ZNF787: variants seen among roughly 807,000 people sequenced by gnomAD.
The protein encoded by ZNF787 is TTF-I-interacting peptide 20.
In ZNF787, 7 loss-of-function variants were observed where a neutral mutation model predicts 16.9. The ratio of observed to expected loss-of-function variants is 0.42; its 90% CI spans 0.24 to 0.78. The LOEUF (loss-of-function observed/expected upper bound fraction) is 0.78. Ranked by LOEUF, ZNF787 falls within the 30% of genes least tolerant of loss-of-function variation. The pLI is 0.30. For synonymous variants in ZNF787, 345 were observed against 270.9 expected (o/e 1.27, Z -2.69); for missense variants, 551 against 589.3 (o/e 0.94, Z 0.67).
At position 56,088,544 on chromosome 19, in the gene ZNF787, C is replaced by T; in HGVS notation, c.628G>A (p.Ala210Thr). 1.4e-6 allele frequency: 2 copies of T among 1,459,074 alleles called. No individual in the cohort carries two copies. The highest frequency in any genetic ancestry group is 1.8e-6 in the Non-Finnish European group (2 of 1,115,072). 90.4% of individuals were successfully genotyped at this position (1,459,074 alleles called of 1,614,324 possible). Residue 210 changes from alanine (A) to threonine (T), a missense_variant, in exon 3 of 3, where the codon GCC becomes ACC. Physicochemically the swap from Ala to Thr is moderately conservative, Grantham distance 58. This residue lies in a region of ZNF787 where 392 missense variants were observed against 312.7 expected (regional missense o/e 1.25). Coordinates refer to ENST00000610935, the MANE Select transcript of ZNF787 (RefSeq NM_001002836.4). The surrounding 1 kb of genome is among the most constrained non-coding windows in gnomAD (Gnocchi z 8.6). Reference sequence around the variant, plus strand: ...CGGACGCTAGCCGCCAGCACCTTGGCCGCCACGCCAGGCCCCGACAGCTCC... The same window carrying T: ...CGGACGCTAGCCGCCAGCACCTTGGTCGCCACGCCAGGCCCCGACAGCTCC... ...HPELSGPGVA[A>T]KVLAASVRRA...
chr19:56,102,789 G>C (rs962793462), intron 2 of ZNF787: 1 of 636,270 alleles, frequency 1.6e-6, no homozygotes, highest in African/African-American at 1.8e-5. Flanking sequence ...TCATAGCAGA[G>C]GGTCCAGGAT....
At position 56,091,970 on chromosome 19, in the gene ZNF787, CCAAAGCCGAAGG is replaced by C. The variant is rs1238358633; in HGVS notation, c.80-2890_80-2879del. Among the ~76,000 whole-genome samples, 430 of 152,120 alleles carry C rather than the reference CCAAAGCCGAAGG, an allele frequency of 2.8e-3. 1 individual carries two copies. Among genetic ancestry groups the C allele is most frequent in the Middle Eastern group, 0.014 (4 of 294 alleles). ...GCCAAAGCCGAAACCGAAACCGAAG[CCAAAGCCGAAGG>C]CGAAACCGAAGCCAAACGGAAGCCA... On this transcript the variant is annotated intron_variant, in intron 2 of 2. Transcript: ENST00000610935.
intron 2 of ZNF787, among the ~76,000 whole-genome samples, chr19:56,099,312 G>A (rs911578703): frequency 6.6e-6 from 1 of 152,204 alleles, no homozygotes; most frequent in African/African-American, 2.4e-5. Context: ...GTGCCCCAGG[G>A]AGTGATCTCC....
At chr19:56,106,269 G>A (rs73934673) in intron 1 of ZNF787, among the ~76,000 whole-genome samples, 1,706 of 152,304 alleles carry the variant, frequency 0.011, 42 homozygotes, top group African/African-American at 0.039. Context: ...CCAGCGTGTC[G>A]CTCCTCTCTC....
chr19:56,115,849 T>C (rs1599960204), intron 1 of ZNF787, among the ~76,000 whole-genome samples: 1 of 152,224 alleles, frequency 6.6e-6, no homozygotes, highest in Admixed American at 6.5e-5. Context: ...ACTTGGTGCC[T>C]GCAGATCTTC....
At chr19:56,106,824 C>T (rs1986341426) in intron 1 of ZNF787, among the ~76,000 whole-genome samples, 1 of 152,288 alleles carries the variant, frequency 6.6e-6, no homozygotes, top group East Asian at 1.9e-4. Flanking sequence ...CGGAAGTCTG[C>T]AGACCAGCAC....
At position 56,088,398 on chromosome 19, in the gene ZNF787, G is replaced by T; in HGVS notation, c.774C>A (p.Ala258=). Reference sequence around the variant, plus strand: ...CGGCCTTTGCCCCCGCGCCCGCCATGGCTGCCGCGGCCGCGGCCCCCTCGC... The same window carrying T: ...CGGCCTTTGCCCCCGCGCCCGCCATTGCTGCCGCGGCCGCGGCCCCCTCGC... ...APGEGAAAAA[A]MAGAGAKAAG... is the part of the protein sequence containing the mutation. Residue 258 remains alanine (A), a synonymous_variant, in exon 3 of 3, where the codon GCC becomes GCA. Coordinates refer to ENST00000610935, the MANE Select transcript of ZNF787 (RefSeq NM_001002836.4). This position sits in a 1 kb window ranked among gnomAD's most constrained non-coding sequence, Gnocchi z 8.6. 1 of 1,107,544 alleles carries T rather than the reference G, an allele frequency of 9.0e-7. No homozygotes were observed. The highest frequency in any genetic ancestry group is 4.2e-5 in the South Asian group (1 of 23,598). The allele number at this position is 1,107,544 out of a possible 1,614,324, so 68.6% of individuals were successfully genotyped here.
chr19:56,090,549 C>T (rs530766708), intron 2 of ZNF787, among the ~76,000 whole-genome samples: 3 of 152,108 alleles, frequency 2.0e-5, no homozygotes, highest in Non-Finnish European at 2.9e-5. Flanking sequence ...CTGCCCGGAG[C>T]GGTGGCTCAC....
intron 2 of ZNF787, among the ~76,000 whole-genome samples, chr19:56,093,120 T>A (rs1218470074): frequency 1.3e-5 from 2 of 148,260 alleles, no homozygotes; most frequent in East Asian, 2.0e-4. Context: ...ATGGCGGAAG[T>A]GGGATATTCC....
At position 56,119,262 on chromosome 19, in the gene ZNF787, C is replaced by G. The variant is rs373376427; in HGVS notation, c.-11+1910G>C. Among the ~76,000 whole-genome samples the G allele has an allele frequency of 1.1e-4, 16 of 152,356 alleles. No individual in the cohort carries two copies. The East Asian group carries it at 2.9e-3, about 28-fold the overall frequency. ...GTGTGACCTCATGCCCAGCACAGGG[C>G]CTGGCCTGTGCAGCCGCCTGGATGG... On this transcript the variant is annotated intron_variant, in intron 1 of 2. Coordinates refer to ENST00000610935, the MANE Select transcript of ZNF787 (RefSeq NM_001002836.4).
At chr19:56,107,912 C>T (rs137973051) in intron 1 of ZNF787, among the ~76,000 whole-genome samples, 3,406 of 151,682 alleles carry the variant, frequency 0.022, 58 homozygotes, top group Middle Eastern at 0.031. Flanking sequence ...CTGGGGGCTG[C>T]GGGAGGGGCT....
chr19:56,087,558 C>CA lies in ZNF787; in HGVS notation c.*464dup, dbSNP rs1158472184. The CA allele has an allele frequency of 6.5e-6, 1 of 152,702 alleles. No individual in the cohort carries two copies. The highest frequency in any genetic ancestry group is 1.5e-5 in the Non-Finnish European group (1 of 68,472). The allele number at this position is 152,702 out of a possible 1,614,324, so 9.5% of individuals were successfully genotyped here. Reference sequence around the variant, plus strand: ...TAATGGATTGGGGCGGGCGGGGAGTCAAAAGGTGGGCTGATTAAAAGAAAA... The same window carrying CA: ...TAATGGATTGGGGCGGGCGGGGAGTCAAAAAGGTGGGCTGATTAAAAGAAAA... On this transcript the variant is annotated 3_prime_UTR_variant, in exon 3 of 3. Transcript: ENST00000610935.
At chr19:56,096,487 G>T (rs910154649) in intron 2 of ZNF787, among the ~76,000 whole-genome samples, 6 of 151,922 alleles carry the variant, frequency 3.9e-5, no homozygotes, top group African/African-American at 1.4e-4. Flanking sequence ...GGCCGAGGCG[G>T]GTGGATCACG....
intron 2 of ZNF787, among the ~76,000 whole-genome samples, chr19:56,091,002 A>G (rs1253651307): frequency 6.6e-6 from 1 of 152,224 alleles, no homozygotes; most frequent in Non-Finnish European, 1.5e-5. Flanking sequence ...CGGCAGAAGA[A>G]AACACTCCAG....
chr19:56,097,940 G>C (rs941468642), intron 2 of ZNF787, among the ~76,000 whole-genome samples: 1 of 152,002 alleles, frequency 6.6e-6, no homozygotes. Flanking sequence ...TGGGGGAGAA[G>C]AGGCATGGAG....
chr19:56,093,839 G>A (rs1439115031), intron 2 of ZNF787, among the ~76,000 whole-genome samples: 1 of 152,118 alleles, frequency 6.6e-6, no homozygotes, highest in African/African-American at 2.4e-5. Flanking sequence ...CAATTCTAAC[G>A]CAACCATCTG....
At chr19:56,101,691 G>A in intron 2 of ZNF787, 1 of 152,184 alleles carries the variant, frequency 6.6e-6, no homozygotes, top group East Asian at 1.9e-4. Flanking sequence ...ACAAAATGAT[G>A]TGATGGATAT....
chr19:56,087,786 C>G lies in ZNF787; in HGVS notation c.*237G>C, dbSNP rs548057197. On this transcript the variant is annotated 3_prime_UTR_variant, in exon 3 of 3. Transcript: ENST00000610935. Reference sequence around the variant, plus strand: ...GTCTCTCCGGCTCGCAGGCCGATAACTTAGGAAGGGCGGGCCAGGCTGAGG... The same window carrying G: ...GTCTCTCCGGCTCGCAGGCCGATAAGTTAGGAAGGGCGGGCCAGGCTGAGG... The G allele has an allele frequency of 1.7e-6, 1 of 591,660 alleles. No homozygotes were observed. Among genetic ancestry groups the G allele is most frequent in the African/African-American group, 2.0e-5 (1 of 51,068 alleles). The allele number at this position is 591,660 out of a possible 1,614,324, so 36.7% of individuals were successfully genotyped here.
chr19:56,115,336 G>A (rs946829750), intron 1 of ZNF787, among the ~76,000 whole-genome samples: 2 of 151,550 alleles, frequency 1.3e-5, no homozygotes, highest in South Asian at 2.1e-4. Flanking sequence ...GGCCGGCCGC[G>A]GCACGTTGAT....
Sources: gnomAD v4.1 joint callset for allele counts (sites outside exome capture counted in the v4.1 genomes callset) on GRCh38, gnomAD v4.1.1 for gene constraint, gnomAD v4.1.1 regional missense constraint, Gnocchi (gnomAD v3.1) non-coding constraint, MANE v1.5 for transcripts, NCBI Gene and HGNC (gene_info 2026-07-23, HGNC 2026-07-21) for gene names.